Variants in PROM2 observed in about 807,000 individuals in gnomAD.
PROM2 encodes the protein prominin 2.
PROM2 carries 90 observed loss-of-function variants against 110.2 expected under a neutral mutation model. That is an observed-to-expected ratio of 0.82 (90% CI 0.69 to 0.97). PROM2 has a LOEUF of 0.97. Ranked by LOEUF, PROM2 falls within the 50% of genes least tolerant of loss-of-function variation. The probability of loss-of-function intolerance (pLI) is 0.00; values close to 1 mark genes in which losing one functional copy is unlikely to be tolerated. For synonymous variants in PROM2, 470 were observed against 467.8 expected (o/e 1.00, Z -0.06); for missense variants, 1,009 against 1,074.8 (o/e 0.94, Z 0.86).
chr2:95,279,176 G>A (rs1676872002), intron 10 of PROM2, 32 bp downstream of exon 10: 1 of 1,299,388 alleles, frequency 7.7e-7, no homozygotes, highest in Non-Finnish European at 1.0e-6. Context: ...GATGGGGTGG[G>A]GTGGGGTGGG....
chr2:95,278,726 C>T lies in PROM2; in HGVS notation c.1056C>T (p.Asn352=), dbSNP rs771329374. The change falls in exon 9 of 24, where the codon AAC becomes AAT. Residue 352 remains asparagine (N), a synonymous_variant. Transcript: ENST00000317620. ...ANFSSMVQEE[N]STFNALPALA... is the part of the protein sequence containing the mutation. ...GCACTACTTGGTTCCTGCAGGAGAA[C>T]AGCACCTTCAACGCCCTTCCAGCCC... The T allele has an allele frequency of 2.5e-5, 41 of 1,613,952 alleles. No individual in the cohort carries two copies. The highest frequency in any genetic ancestry group is 3.5e-5 in the Non-Finnish European group (41 of 1,180,034).
chr2:95,278,865 C>A (rs1400329260), intron 9 of PROM2, 81 bp downstream of exon 9: 1 of 1,606,620 alleles, frequency 6.2e-7, no homozygotes, highest in Non-Finnish European at 8.5e-7. Flanking sequence ...TGAGAGAGGA[C>A]TGGGGTGGCG....
chr2:95,277,444 C>G lies in PROM2; in HGVS notation c.853C>G (p.Pro285Ala), dbSNP rs1244026973. The change falls in exon 7 of 24, where the codon CCA (proline) becomes GCA (alanine). Residue 285 changes from proline to alanine, a missense_variant. Pro to Ala is a conservative substitution (Grantham distance 27). Coordinates refer to ENST00000317620, the MANE Select transcript of PROM2 (RefSeq NM_001165978.3). Reference sequence around the variant, plus strand: ...GCAGGCCGGGCAGCAGGACCTGGAGCCAGCCATCCGGGAACACCGGGACCG... The same window carrying G: ...GCAGGCCGGGCAGCAGGACCTGGAGGCAGCCATCCGGGAACACCGGGACCG... ...ELQAGQQDLEPAIREHRDRLL... is the reference protein window; with the variant it reads ...ELQAGQQDLEAAIREHRDRLL... 1.9e-6 allele frequency: 3 copies of G among 1,613,138 alleles called. No individual in the cohort carries two copies. The highest frequency in any genetic ancestry group is 2.7e-5 in the African/African-American group (2 of 74,908).
rs1677616679 is a variant in PROM2 at position 95,290,169 on chromosome 2, C to A, written c.*956C>A. The A allele has an allele frequency of 6.6e-6, 1 of 152,270 alleles. No homozygotes were observed. The highest frequency in any genetic ancestry group is 1.5e-5 in the Non-Finnish European group (1 of 68,100). The allele number at this position is 152,270 out of a possible 1,614,324, so 9.4% of individuals were successfully genotyped here. A position where few individuals can be genotyped will look rare whatever the true frequency, so the allele number is the denominator to read the frequency against. ...TGGCCAGAACAGGATTTTGCACGGC[C>A]CCTTTTATCCTGCGCATGTGGCCTA... On this transcript the variant is annotated 3_prime_UTR_variant, in exon 24 of 24. Coordinates refer to ENST00000317620, the MANE Select transcript of PROM2 (RefSeq NM_001165978.3).
At chr2:95,287,994 A>C (rs1677472174) in intron 20 of PROM2, among the ~76,000 whole-genome samples, 1 of 152,178 alleles carries the variant, frequency 6.6e-6, no homozygotes, top group African/African-American at 2.4e-5. Context: ...AGGCTGGTGA[A>C]CAGATGGAAA....
At chr2:95,287,347 C>G (rs1375906784) in intron 19 of PROM2, 49 bp from the exon 20 acceptor site, 3 of 1,607,328 alleles carry the variant, frequency 1.9e-6, no homozygotes, top group Non-Finnish European at 8.5e-7. Flanking sequence ...GTGGGGGGCA[C>G]TGCTGCTTCT....
intron 14 of PROM2, 141 bp downstream of exon 14, chr2:95,282,367 A>G: frequency 1.4e-6 from 1 of 731,312 alleles, no homozygotes; most frequent in Non-Finnish European, 2.4e-6. Flanking sequence ...CCAAGGGCAG[A>G]GGCCCAGTTA....
intron 15 of PROM2, among the ~76,000 whole-genome samples, chr2:95,285,414 C>T (rs1004649253): frequency 6.6e-6 from 1 of 152,252 alleles, no homozygotes; most frequent in African/African-American, 2.4e-5. Context: ...TCCTTAGTTA[C>T]ACCAGAGGGT....
intron 14 of PROM2, among the ~76,000 whole-genome samples, chr2:95,282,481 CAGTG>C (rs1329034965): frequency 1.3e-5 from 2 of 152,138 alleles, no homozygotes; most frequent in African/African-American, 4.8e-5. Context: ...AGGCTGGTGA[CAGTG>C]AGCAGGAGGA....
intron 20 of PROM2, 143 bp from the exon 21 acceptor site, chr2:95,288,067 CA>C: frequency 1.4e-6 from 1 of 706,442 alleles, no homozygotes; most frequent in South Asian, 1.7e-5. Flanking sequence ...TGCCTCTCTG[CA>C]TGTGTATACA....
At chr2:95,277,625 T>G in intron 7 of PROM2, 59 bp downstream of exon 7, 1 of 1,436,846 alleles carries the variant, frequency 7.0e-7, no homozygotes, top group Middle Eastern at 2.6e-4. Flanking sequence ...CTGCTGCTCC[T>G]GGGATCTGGC....
Position 95,276,964 on chromosome 2 carries a change from C to T in PROM2, c.683-8C>T. 6.4e-7 allele frequency: 1 copy of T among 1,551,182 alleles called. No individual in the cohort carries two copies. The highest frequency in any genetic ancestry group is 8.7e-7 in the Non-Finnish European group (1 of 1,146,580). ...GTCCCACCCTGCAGACTGCCCTGTGCTCTGCAGGTGTTGGTGTGAGCATTG... is the reference window on the plus strand; with the variant it reads ...GTCCCACCCTGCAGACTGCCCTGTGTTCTGCAGGTGTTGGTGTGAGCATTG... On this transcript the variant is annotated splice_region_variant and splice_polypyrimidine_tract_variant and intron_variant, in intron 5 of 23. Coordinates refer to ENST00000317620, the MANE Select transcript of PROM2 (RefSeq NM_001165978.3). This position sits in a 1 kb window ranked among gnomAD's most constrained non-coding sequence, Gnocchi z 4.6.
Position 95,277,471 on chromosome 2 carries a change from C to A in PROM2, c.880C>A (p.Leu294Ile), listed in dbSNP as rs1303389944. ...AGCCATCCGGGAACACCGGGACCGCCTCCTTGAGCTGCTGCAGGAGGCCAG... is the reference window on the plus strand; with the variant it reads ...AGCCATCCGGGAACACCGGGACCGCATCCTTGAGCTGCTGCAGGAGGCCAG... ...EPAIREHRDRLLELLQEARCQ... is the reference protein window; with the variant it reads ...EPAIREHRDRILELLQEARCQ... Residue 294 changes from leucine (L) to isoleucine (I), a missense_variant, in exon 7 of 24, where the codon CTC becomes ATC. By Grantham distance (5) the Leu-to-Ile change is conservative (BLOSUM62 2). Coordinates refer to ENST00000317620, the MANE Select transcript of PROM2 (RefSeq NM_001165978.3). 40 of 1,612,764 alleles carry A rather than the reference C, an allele frequency of 2.5e-5. 1 individual carries two copies.
intron 17 of PROM2, 42 bp from the exon 18 acceptor site, chr2:95,286,762 T>C (rs1010458204): frequency 6.7e-7 from 1 of 1,491,502 alleles, no homozygotes; most frequent in African/African-American, 1.4e-5. Flanking sequence ...TCCCTCCCCT[T>C]CCCTTGCACT....
Position 95,276,266 on chromosome 2 carries a change from G to T in PROM2, c.537G>T (p.Thr179=). 10 of 1,613,918 alleles carry T rather than the reference G, an allele frequency of 6.2e-6. No individual in the cohort carries two copies. Among genetic ancestry groups the T allele is most frequent in the Non-Finnish European group, 8.5e-6 (10 of 1,180,042 alleles). The change falls in exon 4 of 24, where the codon ACG becomes ACT. Residue 179 remains threonine (T), a synonymous_variant. Transcript: ENST00000317620. This position sits in a 1 kb window ranked among gnomAD's most constrained non-coding sequence, Gnocchi z 4.6. ...GTGCCTTTGTCACCAACCAGCGCAC[G>T]CATGAACAGATGGGCCCCAGCATCG... The part of the protein sequence containing the change: ...VVCAFVTNQR[T]HEQMGPSIEA...
chr2:95,279,711 AAG>A, intron 10 of PROM2, 132 bp from the exon 11 acceptor site: 2 of 639,002 alleles, frequency 3.1e-6, no homozygotes, highest in Non-Finnish European at 4.7e-6. Context: ...GGGCCTCAGG[AAG>A]AGTCTGTATC....
At chr2:95,282,310 C>T (rs1189452796) in intron 14 of PROM2, 84 bp downstream of exon 14, 1 of 1,144,096 alleles carries the variant, frequency 8.7e-7, no homozygotes, top group African/African-American at 1.5e-5. Flanking sequence ...GGCACCGTCT[C>T]TTTGAACCTA....
At chr2:95,280,071 C>G (rs1676961358) in intron 11 of PROM2, 74 bp downstream of exon 11, 1 of 1,311,606 alleles carries the variant, frequency 7.6e-7, no homozygotes, top group African/African-American at 1.5e-5. Context: ...CTGAGCATAG[C>G]TCCCGGTGTG....
At position 95,275,400 on chromosome 2, in the gene PROM2, G is replaced by C. The variant is rs1312551176; in HGVS notation, c.245-61G>C. Reference sequence around the variant, plus strand: ...CACTTTGCCCTGGCAGTGGGGAGAGGAGGGACACAGGGGCAGGGCAGTGGC... The same window carrying C: ...CACTTTGCCCTGGCAGTGGGGAGAGCAGGGACACAGGGGCAGGGCAGTGGC... On this transcript the variant is annotated intron_variant, in intron 1 of 23. Transcript: ENST00000317620. This position sits in a 1 kb window ranked among gnomAD's most constrained non-coding sequence, Gnocchi z 4.4. 1 of 1,514,988 alleles carries C rather than the reference G, an allele frequency of 6.6e-7. No individual in the cohort carries two copies. Among genetic ancestry groups the C allele is most frequent in the East Asian group, 2.3e-5 (1 of 43,878 alleles). 93.8% of individuals were successfully genotyped at this position (1,514,988 alleles called of 1,614,324 possible).
Sources: gnomAD v4.1 joint callset for allele counts (sites outside exome capture counted in the v4.1 genomes callset) on GRCh38, gnomAD v4.1.1 for gene constraint, Gnocchi (gnomAD v3.1) non-coding constraint, MANE v1.5 for transcripts, NCBI Gene and HGNC (gene_info 2026-07-23, HGNC 2026-07-21) for gene names.